Variants in PLEKHJ1 observed in about 807,000 individuals in gnomAD.
PLEKHJ1 encodes the protein pleckstrin homology domain containing J1, also known as pleckstrin homology domain-containing family J member 1.
A neutral mutation model predicts 21.7 loss-of-function variants in PLEKHJ1; 20 were observed. The observed-to-expected ratio is 0.92, with a 90% CI of 0.65 to 1.34. PLEKHJ1 has a LOEUF of 1.34. Among genes scored for constraint, PLEKHJ1 ranks in the 40% most tolerant of loss-of-function variants. The pLI is 0.00. For missense variants in PLEKHJ1, 241 were observed against 202.0 expected, an observed-to-expected ratio of 1.19 and a Z score of -1.17; for synonymous variants, 113 against 80.6, an observed-to-expected ratio of 1.40 and a Z score of -2.15.
Position 2,233,835 on chromosome 19 carries a change from T to C in PLEKHJ1, c.*5A>G, listed in dbSNP as rs766851233. On this transcript the variant is annotated 3_prime_UTR_variant, in exon 6 of 6. Transcript: ENST00000326631. Reference sequence around the variant, plus strand: ...CCGCTGCACGCTGACCACCGTGCCCTGCGCTCACGCCTGCAAGCCACTCAG... The same window carrying C: ...CCGCTGCACGCTGACCACCGTGCCCCGCGCTCACGCCTGCAAGCCACTCAG... The C allele has an allele frequency of 1.2e-5, 20 of 1,603,090 alleles. No individual in the cohort carries two copies. In the African/African-American group the frequency reaches 1.6e-4, roughly 13 times the overall value.
At chr19:2,230,903 T>G, downstream of PLEKHJ1, 1 of 297,240 alleles carries the variant, frequency 3.4e-6, no homozygotes. Flanking sequence ...CTGGCACCCA[T>G]CCCTTGGAGC....
chr19:2,230,476 A>C (rs1390385063), downstream of PLEKHJ1: 1 of 399,028 alleles, frequency 2.5e-6, no homozygotes, highest in African/African-American at 2.1e-5. Context: ...GCAGCTGGCC[A>C]TGTGCTGCGC....
At chr19:2,231,224 AC>A (rs1242812721), downstream of PLEKHJ1, 3 of 227,862 alleles carry the variant, frequency 1.3e-5, no homozygotes, top group Admixed American at 1.7e-4. Context: ...GCTGTGTGGC[AC>A]TTGCTGAGCC....
Position 2,235,777 on chromosome 19 carries a change from C to A in PLEKHJ1, c.214G>T (p.Gly72Cys), listed in dbSNP as rs767860336. The A allele has an allele frequency of 1.4e-5, 22 of 1,549,098 alleles. No homozygotes were observed. The highest frequency in any genetic ancestry group is 2.0e-5 in the Admixed American group (1 of 50,988). The change falls in exon 3 of 6, where the codon GGC becomes TGC. Residue 72 changes from glycine (G) to cysteine (C), a missense_variant. Physicochemically the swap from Gly to Cys is radical, Grantham distance 159 (BLOSUM62 -3). Transcript: ENST00000326631. ...ERCRVVREEP[G>C]TFSISFIEDP... ...CCCCACTCACTGATGGAGAAGGTGC[C>A]GGGCTCTTCCCGGACGACTCTGCAG...
intron 3 of PLEKHJ1, chr19:2,234,542 T>C (rs2024733026): frequency 6.0e-6 from 2 of 335,726 alleles, no homozygotes; most frequent in Admixed American, 4.6e-5. Flanking sequence ...AAAATCCCCA[T>C]CTCTACAAAA....
downstream of PLEKHJ1, chr19:2,231,745 C>T (rs2024607553): frequency 9.4e-6 from 2 of 213,654 alleles, no homozygotes; most frequent in Non-Finnish European, 1.9e-5. Context: ...AGTCCCTGGT[C>T]TAGAACAAGA....
In PLEKHJ1 at chr19:2,234,246, G is replaced by A. The variant is rs1487039737; in HGVS notation, c.230-6C>T. The A allele has an allele frequency of 6.2e-7, 1 of 1,609,106 alleles. No individual in the cohort carries two copies. Among genetic ancestry groups the A allele is most frequent in the African/African-American group, 1.3e-5 (1 of 74,854 alleles). On this transcript the variant is annotated splice_polypyrimidine_tract_variant and splice_region_variant and intron_variant, in intron 3 of 5. Coordinates refer to ENST00000326631, the MANE Select transcript of PLEKHJ1 (RefSeq NM_018049.3). ...CTCAGGGTCCTCAATGAAGCCTGGG[G>A]ATGGAACACCTGTGGTCGGTCCTAC... is the stretch of plus-strand genomic sequence containing the variant.
rs557308290 is a variant in PLEKHJ1, at chr19:2,236,093, C to T, written c.94+62G>A. 1.3e-5 allele frequency: 19 copies of T among 1,410,886 alleles called. No individual in the cohort carries two copies. The East Asian group carries it at 1.8e-4, about 13-fold the overall frequency. The allele number at this position is 1,410,886 out of a possible 1,614,324, so 87.4% of individuals were successfully genotyped here. ...CGGACTCCGGCCTCCGGCACCCCCG[C>T]CCAGACCCCGGCCCCGGCCTCCCGC... On this transcript the variant is annotated intron_variant, in intron 1 of 5. Transcript: ENST00000326631.
At position 2,233,750 on chromosome 19, in the gene PLEKHJ1, A is replaced by G. The variant is rs1020633711; in HGVS notation, c.*90T>C. 9 of 1,339,910 alleles carry G rather than the reference A, an allele frequency of 6.7e-6. No homozygotes were observed. Among genetic ancestry groups the G allele is most frequent in the Non-Finnish European group, 7.1e-6 (7 of 979,656 alleles). 83.0% of individuals were successfully genotyped at this position (1,339,910 alleles called of 1,614,324 possible). On this transcript the variant is annotated 3_prime_UTR_variant, in exon 6 of 6. Transcript: ENST00000326631. ...AACCCTGACCCAAAAACCAAAAACC[A>G]AAACAAAACAGATCCAGGCATGGCC...
At chr19:2,230,634 T>A (rs2024560332), downstream of PLEKHJ1, 2 of 398,626 alleles carry the variant, frequency 5.0e-6, no homozygotes, top group African/African-American at 4.1e-5. Context: ...AGAGTCACAC[T>A]AATGAGTGGC....
At chr19:2,230,912 G>T (rs1599637177), downstream of PLEKHJ1, 4 of 290,002 alleles carry the variant, frequency 1.4e-5, no homozygotes, top group East Asian at 5.1e-5. Flanking sequence ...ATCCCTTGGA[G>T]CCTGTGCTGG....
rs1241384431 is a variant in PLEKHJ1 at position 2,233,784 on chromosome 19, C to T, written c.*56G>A. The T allele has an allele frequency of 2.0e-6, 3 of 1,501,034 alleles. No individual in the cohort carries two copies. The highest frequency in any genetic ancestry group is 2.7e-6 in the Non-Finnish European group (3 of 1,108,726). 93.0% of individuals were successfully genotyped at this position (1,501,034 alleles called of 1,614,324 possible). A position where few individuals can be genotyped will look rare whatever the true frequency, so the allele number is the denominator to read the frequency against. Reference sequence around the variant, plus strand: ...CAGATCCAGGCATGGCCAAGCGATTCATGGCTGGGCAGGGCCAGTCCCGTC... The same window carrying T: ...CAGATCCAGGCATGGCCAAGCGATTTATGGCTGGGCAGGGCCAGTCCCGTC... On this transcript the variant is annotated 3_prime_UTR_variant, in exon 6 of 6. Coordinates refer to ENST00000326631, the MANE Select transcript of PLEKHJ1 (RefSeq NM_018049.3).
At chr19:2,234,335 A>G in intron 3 of PLEKHJ1, 95 bp from the exon 4 acceptor site, 2 of 897,644 alleles carry the variant, frequency 2.2e-6, no homozygotes, top group Non-Finnish European at 3.5e-6. Context: ...GGCCCCCACA[A>G]AGATGTGTTC....
downstream of PLEKHJ1, among the ~76,000 whole-genome samples, chr19:2,232,923 G>T (rs1457331734): frequency 2.6e-5 from 4 of 152,178 alleles, no homozygotes; most frequent in Admixed American, 1.3e-4. Flanking sequence ...GGGAGGGCCC[G>T]TGAATGCCAG....
Position 2,233,859 on chromosome 19 carries a change from A to C in PLEKHJ1, c.431T>G (p.Leu144Arg). ...CTGCGCTCACGCCTGCAAGCCACTC[A>C]GCTGGAACCTGGCCTCCTCGGATAT... The part of the protein sequence containing the change: ...FGISEEARFQ[L>R]SGLQA Residue 144 changes from leucine (L) to arginine (R), a missense_variant, in exon 6 of 6, where the codon CTG (leucine) becomes CGG (arginine). Coordinates refer to ENST00000326631, the MANE Select transcript of PLEKHJ1 (RefSeq NM_018049.3). 6.2e-7 allele frequency: 1 copy of C among 1,611,344 alleles called. No individual in the cohort carries two copies. Among genetic ancestry groups the C allele is most frequent in the Non-Finnish European group, 8.5e-7 (1 of 1,179,602 alleles).
Position 2,233,820 on chromosome 19 carries a change from C to A in PLEKHJ1, c.*20G>T. The A allele has an allele frequency of 2.5e-6, 4 of 1,587,748 alleles. No individual in the cohort carries two copies. The highest frequency in any genetic ancestry group is 3.4e-6 in the Non-Finnish European group (4 of 1,169,442). On this transcript the variant is annotated 3_prime_UTR_variant, in exon 6 of 6. Transcript: ENST00000326631. ...AGGGCCAGTCCCGTCCCGCTGCACG[C>A]TGACCACCGTGCCCTGCGCTCACGC...
chr19:2,231,733 C>T (rs116269952), downstream of PLEKHJ1: 7 of 213,354 alleles, frequency 3.3e-5, no homozygotes, highest in Admixed American at 1.8e-4. Flanking sequence ...CAGAGACGGC[C>T]GAGTCCCTGG....
chr19:2,233,871 G>A lies in PLEKHJ1; in HGVS notation c.419C>T (p.Ala140Val). 6.2e-7 allele frequency: 1 copy of A among 1,611,984 alleles called. No individual in the cohort carries two copies. The highest frequency in any genetic ancestry group is 8.5e-7 in the Non-Finnish European group (1 of 1,179,758). The change falls in exon 6 of 6, where the codon GCC becomes GTC. Residue 140 changes from alanine to valine, a missense_variant. Ala to Val is a moderately conservative substitution (Grantham distance 64, BLOSUM62 0). Coordinates refer to ENST00000326631, the MANE Select transcript of PLEKHJ1 (RefSeq NM_018049.3). ...CTGCAAGCCACTCAGCTGGAACCTGGCCTCCTCGGATATGCCGAACTGTTC... is the reference window on the plus strand; with the variant it reads ...CTGCAAGCCACTCAGCTGGAACCTGACCTCCTCGGATATGCCGAACTGTTC... ...PLEQFGISEEARFQLSGLQA is the reference protein window; with the variant it reads ...PLEQFGISEEVRFQLSGLQA
At chr19:2,231,846 GGGC>G, downstream of PLEKHJ1, 1 of 219,956 alleles carries the variant, frequency 4.5e-6, no homozygotes, top group South Asian at 1.8e-4. Context: ...TGGCCATGCA[GGGC>G]TCCTGCCCAC....
Sources: gnomAD v4.1 joint callset for allele counts (sites outside exome capture counted in the v4.1 genomes callset) on GRCh38, gnomAD v4.1.1 for gene constraint, MANE v1.5 for transcripts, NCBI Gene and HGNC (gene_info 2026-07-23, HGNC 2026-07-21) for gene names.